Variants in ZFP42 observed in about 807,000 individuals in gnomAD.
ZFP42 encodes ZFP42 zinc finger protein, also known as zinc finger protein 42 homolog.
For synonymous variants in ZFP42, 175 were observed against 144.6 expected (o/e 1.21, Z -1.51); for missense variants, 438 against 377.1 (o/e 1.16, Z -1.34).
rs10645175 is a variant in ZFP42, at chr4:188,004,022, T to TGAC, written c.*282_*283insGAC. 0.27 allele frequency: 81,303 copies of TGAC among 304,038 alleles called. 13,207 individuals carry two copies. The highest frequency in any genetic ancestry group is 0.69 in the East Asian group (11,170 of 16,268). The allele number at this position is 304,038 out of a possible 1,614,324, so 18.8% of individuals were successfully genotyped here. A position where few individuals can be genotyped will look rare whatever the true frequency, so the allele number is the denominator to read the frequency against. ...TCCAACAGGAAGGTCAGTGATAAAT[T>TGAC]TTCAAAAGCATAACCTTCAATATAT... On this transcript the variant is annotated 3_prime_UTR_variant, in exon 4 of 4. Coordinates refer to ENST00000326866, the MANE Select transcript of ZFP42 (RefSeq NM_174900.5).
At chr4:187,995,993 C>T (rs1292067410) in intron 1 of ZFP42, among the ~76,000 whole-genome samples, 153 bp downstream of exon 1, 4 of 152,312 alleles carry the variant, frequency 2.6e-5, no homozygotes, top group East Asian at 1.9e-4. Context: ...CGCCGGGAGA[C>T]TTGTAGCCCT....
At position 188,002,769 on chromosome 4, in the gene ZFP42, C is replaced by T. The variant is rs1207567030; in HGVS notation, c.-39C>T. ...TACTGCCTGGAGGTGGTTGATATAT[C>T]CTGGTGTAAACCTTCAAGAAGGGCA... On this transcript the variant is annotated 5_prime_UTR_variant, in exon 4 of 4. Coordinates refer to ENST00000326866, the MANE Select transcript of ZFP42 (RefSeq NM_174900.5). The T allele has an allele frequency of 1.3e-6, 2 of 1,580,882 alleles. No homozygotes were observed. The highest frequency in any genetic ancestry group is 8.7e-7 in the Non-Finnish European group (1 of 1,155,582).
intron 3 of ZFP42, among the ~76,000 whole-genome samples, chr4:188,000,928 G>A (rs1217223685): frequency 6.6e-6 from 1 of 152,088 alleles, no homozygotes; most frequent in Non-Finnish European, 1.5e-5. Flanking sequence ...CCCCAGAGGC[G>A]GAGGTTGCAG....
At chr4:188,002,476 A>G (rs934847240) in intron 3 of ZFP42, among the ~76,000 whole-genome samples, 1 of 152,226 alleles carries the variant, frequency 6.6e-6, no homozygotes, top group African/African-American at 2.4e-5. Flanking sequence ...GCTAGCACAT[A>G]GTCCCACCCA....
rs763542194 is a variant in ZFP42 at position 188,003,229 on chromosome 4, T to A, written c.422T>A (p.Leu141His). The part of the protein sequence containing the change: ...LPQKIVGENS[L>H]EYSEYMTGKK... The stretch of plus-strand genomic sequence containing the variant: ...CAAAAGATAGTTGGAGAGAATTCGC[T>A]TGAGTATTCTGAGTACATGACAGGC... Residue 141 changes from leucine (L) to histidine (H), a missense_variant, in exon 4 of 4, where the codon CTT becomes CAT. Transcript: ENST00000326866. 2.5e-6 allele frequency: 4 copies of A among 1,614,006 alleles called. No homozygotes were observed. Among genetic ancestry groups the A allele is most frequent in the South Asian group, 2.2e-5 (2 of 91,088 alleles).
Position 188,003,094 on chromosome 4 carries a change from A to C in ZFP42, c.287A>C (p.Glu96Ala), listed in dbSNP as rs1157447844. 1 of 1,614,172 alleles carries C rather than the reference A, an allele frequency of 6.2e-7. No individual in the cohort carries two copies. Among genetic ancestry groups the C allele is most frequent in the East Asian group, 2.2e-5 (1 of 44,868 alleles). ...GAGGACTCACTTTTTGAGTCCTTGG[A>C]ATACCTAAAGAAAGGATCAGAACAA... ...LEEDSLFESL[E>A]YLKKGSEQQL... Residue 96 changes from glutamate to alanine, a missense_variant, in exon 4 of 4, where the codon GAA becomes GCA. Transcript: ENST00000326866.
At chr4:187,997,228 CTTTTTTTTTTT>C (rs71595201) in intron 1 of ZFP42, among the ~76,000 whole-genome samples, 10 of 60,030 alleles carry the variant, frequency 1.7e-4, no homozygotes, top group Non-Finnish European at 2.2e-4. Context: ...CTCTCATATT[CTTTTTTTTTTT>C]TTTTTTTTTT....
At chr4:188,005,131 T>C (rs1288780098), downstream of ZFP42, 2 of 166,736 alleles carry the variant, frequency 1.2e-5, no homozygotes, top group Non-Finnish European at 2.9e-5. Context: ...CTTAGCAAAA[T>C]TCAACAGACT....
Position 188,003,542 on chromosome 4 carries a change from T to C in ZFP42, c.735T>C (p.Phe245=), listed in dbSNP as rs769372733. ...HFLVHTGEKP[F]RCTFEGCGKR... ...TGGTTCATACTGGAGAGAAGCCGTT[T>C]CGGTGCACTTTTGAAGGGTGCGGAA... The change falls in exon 4 of 4, where the codon TTT becomes TTC. Residue 245 remains phenylalanine (F), a synonymous_variant. Coordinates refer to ENST00000326866, the MANE Select transcript of ZFP42 (RefSeq NM_174900.5). 10 of 1,613,778 alleles carry C rather than the reference T, an allele frequency of 6.2e-6. No individual in the cohort carries two copies. Among genetic ancestry groups the C allele is most frequent in the Non-Finnish European group, 8.5e-6 (10 of 1,180,038 alleles).
chr4:188,002,323 G>A (rs947739532), intron 3 of ZFP42, among the ~76,000 whole-genome samples: 6 of 152,200 alleles, frequency 3.9e-5, no homozygotes, highest in Non-Finnish European at 7.3e-5. Flanking sequence ...CAGCCCCTTT[G>A]CTTACTCTTT....
chr4:187,997,126 T>TTA (rs1182848476), intron 1 of ZFP42, among the ~76,000 whole-genome samples: 4 of 152,036 alleles, frequency 2.6e-5, no homozygotes, highest in Admixed American at 6.5e-5. Context: ...CCCGTGCACT[T>TTA]TTCCTCCTGC....
In ZFP42 at chr4:188,004,679, T is replaced by A. The variant is rs1733984497; in HGVS notation, c.*939T>A. On this transcript the variant is annotated 3_prime_UTR_variant, in exon 4 of 4. Coordinates refer to ENST00000326866, the MANE Select transcript of ZFP42 (RefSeq NM_174900.5). The stretch of plus-strand genomic sequence containing the variant: ...TGCATACGCCTGTGTTCCCAGCTAC[T>A]CAGGAGGCTGAAGCAGGAGGATAGC... The A allele has an allele frequency of 6.0e-6, 1 of 167,154 alleles. No homozygotes were observed. Among genetic ancestry groups the A allele is most frequent in the African/African-American group, 2.4e-5 (1 of 41,450 alleles). 10.4% of individuals were successfully genotyped at this position (167,154 alleles called of 1,614,324 possible).
chr4:187,998,971 GAGAA>G (rs1452203583), intron 1 of ZFP42, 133 bp from the exon 2 acceptor site: 1 of 152,208 alleles, frequency 6.6e-6, no homozygotes, highest in Non-Finnish European at 1.5e-5. Flanking sequence ...ATACTGCTAT[GAGAA>G]ATAGCATAAT....
At position 188,002,765 on chromosome 4, in the gene ZFP42, A is replaced by G. The variant is rs193237367; in HGVS notation, c.-43A>G. The G allele has an allele frequency of 1.7e-5, 27 of 1,561,412 alleles. No individual in the cohort carries two copies. The Middle Eastern group carries it at 5.1e-4, about 30-fold the overall frequency. On this transcript the variant is annotated 5_prime_UTR_variant, in exon 4 of 4. In the 5' UTR this introduces an upstream ATG that the reference lacks. Transcript: ENST00000326866. ...TCACTACTGCCTGGAGGTGGTTGAT[A>G]TATCCTGGTGTAAACCTTCAAGAAG...
Position 188,003,927 on chromosome 4 carries a change from T to C in ZFP42, c.*187T>C, listed in dbSNP as rs1733955484. 1 of 543,906 alleles carries C rather than the reference T, an allele frequency of 1.8e-6. No individual in the cohort carries two copies. Among genetic ancestry groups the C allele is most frequent in the African/African-American group, 1.9e-5 (1 of 52,744 alleles). 33.7% of individuals were successfully genotyped at this position (543,906 alleles called of 1,614,324 possible). ...TAAGGACATGGTGCATTTTTTTTTC[T>C]TTTATTTGTTTTATTTAGAACTTTT... On this transcript the variant is annotated 3_prime_UTR_variant, in exon 4 of 4. Transcript: ENST00000326866.
At chr4:188,000,524 G>A (rs1441940828) in intron 3 of ZFP42, among the ~76,000 whole-genome samples, 2 of 152,010 alleles carry the variant, frequency 1.3e-5, no homozygotes, top group Admixed American at 6.6e-5. Context: ...GCAGGTGTAC[G>A]CCACCACATC....
rs1733602780 is a variant in ZFP42 at position 187,996,992 on chromosome 4, CA to C, written c.-339+1153del. Among the ~76,000 whole-genome samples the C allele has an allele frequency of 1.0e-4, 5 of 49,942 alleles. No homozygotes were observed. In the Admixed American group the frequency reaches 1.1e-3, roughly 11 times the overall value. 32.8% of individuals were successfully genotyped at this position (49,942 alleles called of 152,430 possible). On this transcript the variant is annotated intron_variant, in intron 1 of 3. Coordinates refer to ENST00000326866, the MANE Select transcript of ZFP42 (RefSeq NM_174900.5). ...TCCTGCCCGCCATAGCTGTAGGGAG[CA>C]TGGAGCATGGAGCGTGGAGCGTGGA...
rs1560912825 is a variant in ZFP42 at position 187,999,279 on chromosome 4, G to C, written c.-173+6G>C. 6.6e-6 allele frequency: 1 copy of C among 152,084 alleles called. No homozygotes were observed. The highest frequency in any genetic ancestry group is 1.5e-5 in the Non-Finnish European group (1 of 68,056). 9.4% of individuals were successfully genotyped at this position (152,084 alleles called of 1,614,324 possible). ...CTAACCATCGCTGAGCTGAAGTGTAGGTGTGGTCTGATTAGACTCATTTTT... is the reference window on the plus strand; with the variant it reads ...CTAACCATCGCTGAGCTGAAGTGTACGTGTGGTCTGATTAGACTCATTTTT... On this transcript the variant is annotated splice_donor_region_variant and intron_variant, in intron 2 of 3. Transcript: ENST00000326866.
chr4:188,003,751 G>C lies in ZFP42; in HGVS notation c.*11G>C. On this transcript the variant is annotated 3_prime_UTR_variant, in exon 4 of 4. Transcript: ENST00000326866. ...CAAGAGGGAAAGTAGTCCTCCAACAGGATGAAGCAGATTAACAGAAGAGTG... is the reference window on the plus strand; with the variant it reads ...CAAGAGGGAAAGTAGTCCTCCAACACGATGAAGCAGATTAACAGAAGAGTG... The C allele has an allele frequency of 1.9e-6, 3 of 1,596,936 alleles. No individual in the cohort carries two copies. Among genetic ancestry groups the C allele is most frequent in the Non-Finnish European group, 2.6e-6 (3 of 1,168,672 alleles).
Sources: allele counts gnomAD v4.1 joint callset (sites outside exome capture counted in the v4.1 genomes callset), GRCh38; gene constraint gnomAD v4.1.1; transcripts MANE v1.5; gene names NCBI Gene and HGNC (gene_info 2026-07-23, HGNC 2026-07-21).